The following ASB18 variants were observed in gnomAD, a reference collection of about 807,000 sequenced individuals.
The protein encoded by ASB18 is ankyrin repeat and SOCS box containing 18, also known as ankyrin repeat and SOCS box protein 18.
A neutral mutation model predicts 33.4 loss-of-function variants in ASB18; 33 were observed. The observed-to-expected ratio is 0.99, with a 90% confidence interval of 0.75 to 1.32. The LOEUF (loss-of-function observed/expected upper bound fraction) is 1.32. ASB18 is among the 40% of genes most tolerant of loss of function. The pLI is 0.00. For synonymous variants in ASB18, 295 were observed against 307.6 expected (o/e 0.96, Z 0.43); for missense variants, 694 against 655.5 (o/e 1.06, Z -0.64).
At position 236,195,363 on chromosome 2, in the gene ASB18, G is replaced by A. The variant is rs562109468; in HGVS notation, c.1216-306C>T. On this transcript the variant is annotated intron_variant, in intron 5 of 5. Coordinates refer to ENST00000409749, the MANE Select transcript of ASB18 (RefSeq NM_212556.4). The surrounding 1 kb of genome is among the most constrained non-coding windows in gnomAD (Gnocchi z 5.5). ...CTTTGCACAGCAGCCCTACAGCTCC[G>A]GGGTGGCCCTGTTCATCTCCCCAAG... Among the ~76,000 whole-genome samples the A allele has an allele frequency of 3.5e-4, 54 of 152,170 alleles. 1 individual carries two copies. The South Asian group carries it at 7.7e-3, about 22-fold the overall frequency.
rs1230103827 is a variant in ASB18 at position 236,255,133 on chromosome 2, T to G, written c.205+9008A>C. Among the ~76,000 whole-genome samples the G allele has an allele frequency of 7.2e-5, 11 of 152,062 alleles. No individual in the cohort carries two copies. The highest frequency in any genetic ancestry group is 7.2e-4 in the Admixed American group (11 of 15,274). On this transcript the variant is annotated intron_variant, in intron 1 of 5. Coordinates refer to ENST00000409749, the MANE Select transcript of ASB18 (RefSeq NM_212556.4). The surrounding 1 kb of genome is among the most constrained non-coding windows in gnomAD (Gnocchi z 4.4). ...CGTGAGCCAATTAAACCTCTGGTAT[T>G]TCTTTCTTTTTCTTTTTTTTCTTTC...
chr2:236,217,438 C>A lies in ASB18; in HGVS notation c.597-2572G>T, dbSNP rs1424432465. Among the ~76,000 whole-genome samples, 1 of 140,110 alleles carries A rather than the reference C, an allele frequency of 7.1e-6. No homozygotes were observed. 91.9% of individuals were successfully genotyped at this position (140,110 alleles called of 152,430 possible). ...AAAAAAAAAAAAAAATAAATCTTGG[C>A]ACCTTCAACTCCTTGGGTGTAGAAA... On this transcript the variant is annotated intron_variant, in intron 3 of 5. Coordinates refer to ENST00000409749, the MANE Select transcript of ASB18 (RefSeq NM_212556.4). The surrounding 1 kb of genome is among the most constrained non-coding windows in gnomAD (Gnocchi z 5.2).
chr2:236,249,326 G>A lies in ASB18; in HGVS notation c.206-7924C>T, dbSNP rs1408637201. ...CTTCTTTGATTTTTCTTGGTTGGTT[G>A]GTTTGTTTTCAAGCTAGCCCACTAA... On this transcript the variant is annotated intron_variant, in intron 1 of 5. Transcript: ENST00000409749. The surrounding 1 kb of genome is among the most constrained non-coding windows in gnomAD (Gnocchi z 4.6). 1.3e-5 allele frequency: 2 copies of A among 152,170 alleles called. No individual in the cohort carries two copies. The highest frequency in any genetic ancestry group is 2.9e-5 in the Non-Finnish European group (2 of 68,058). 9.4% of individuals were successfully genotyped at this position (152,170 alleles called of 1,614,324 possible).
At chr2:236,206,084 A>G (rs1423520679) in intron 4 of ASB18, among the ~76,000 whole-genome samples, 1 of 151,840 alleles carries the variant, frequency 6.6e-6, no homozygotes, top group Non-Finnish European at 1.5e-5. Context: ...GTCTTTGGTT[A>G]TTATTTCTGA....
chr2:236,257,356 A>T lies in ASB18; in HGVS notation c.205+6785T>A, dbSNP rs935998479. ...ACGCTCTCTGGTGGAGTGAGCAGTC[A>T]AGACAGCAGAGCGCTTCTCCTCCTG... On this transcript the variant is annotated intron_variant, in intron 1 of 5. Transcript: ENST00000409749. This position sits in a 1 kb window ranked among gnomAD's most constrained non-coding sequence, Gnocchi z 5.5. Among the ~76,000 whole-genome samples, 4 of 152,200 alleles carry T rather than the reference A, an allele frequency of 2.6e-5. No individual in the cohort carries two copies. The highest frequency in any genetic ancestry group is 5.9e-5 in the Non-Finnish European group (4 of 68,034).
In ASB18 at chr2:236,256,572, C is replaced by T. The variant is rs540879998; in HGVS notation, c.205+7569G>A. Among the ~76,000 whole-genome samples, 8 of 152,294 alleles carry T rather than the reference C, an allele frequency of 5.3e-5. No individual in the cohort carries two copies. The highest frequency in any genetic ancestry group is 2.1e-4 in the South Asian group (1 of 4,828). On this transcript the variant is annotated intron_variant, in intron 1 of 5. Coordinates refer to ENST00000409749, the MANE Select transcript of ASB18 (RefSeq NM_212556.4). This position sits in a 1 kb window ranked among gnomAD's most constrained non-coding sequence, Gnocchi z 4.7. ...TCTCAGAAAGGTAGAAAAGCCTCTCCGCTATTATTCTCATTGCTTTTTGTT... is the reference window on the plus strand; with the variant it reads ...TCTCAGAAAGGTAGAAAAGCCTCTCTGCTATTATTCTCATTGCTTTTTGTT...
rs1466049203 is a variant in ASB18 at position 236,229,999 on chromosome 2, A to G, written c.596+7690T>C. ...CTAGGAGTTTGAGACCACCCTGGGC[A>G]GCAAAACAAGACCTCAACTCTACAA... is the stretch of plus-strand genomic sequence containing the variant. On this transcript the variant is annotated intron_variant, in intron 3 of 5. Coordinates refer to ENST00000409749, the MANE Select transcript of ASB18 (RefSeq NM_212556.4). The surrounding 1 kb of genome is among the most constrained non-coding windows in gnomAD (Gnocchi z 5.2). Among the ~76,000 whole-genome samples, 2 of 152,166 alleles carry G rather than the reference A, an allele frequency of 1.3e-5. No individual in the cohort carries two copies. The highest frequency in any genetic ancestry group is 3.9e-4 in the East Asian group (2 of 5,186).
chr2:236,214,642 C>T lies in ASB18; in HGVS notation c.821G>A (p.Arg274His), dbSNP rs1368977223. The T allele has an allele frequency of 5.1e-6, 6 of 1,166,940 alleles. No homozygotes were observed. Among genetic ancestry groups the T allele is most frequent in the African/African-American group, 1.6e-5 (1 of 61,050 alleles). The allele number at this position is 1,166,940 out of a possible 1,614,324, so 72.3% of individuals were successfully genotyped here. A position where few individuals can be genotyped will look rare whatever the true frequency, so the allele number is the denominator to read the frequency against. The change falls in exon 4 of 6, where the codon CGC becomes CAC. Residue 274 changes from arginine (R) to histidine (H), a missense_variant. By Grantham distance (29) the Arg-to-His change is conservative. Coordinates refer to ENST00000409749, the MANE Select transcript of ASB18 (RefSeq NM_212556.4). The surrounding 1 kb of genome is among the most constrained non-coding windows in gnomAD (Gnocchi z 6.5). ...GCGCCGCAGCAGCAGCGCGCACAGG[C>T]GCAGGCAGCGCCCGTGCTCGTCGGG... is the stretch of plus-strand genomic sequence containing the variant. ...RRPDEHGRCL[R>H]LCALLLRRGA...
chr2:236,236,384 G>A (rs1559334716), intron 3 of ASB18, among the ~76,000 whole-genome samples: 1 of 152,154 alleles, frequency 6.6e-6, no homozygotes, highest in Non-Finnish European at 1.5e-5. Context: ...AGGGGCCAGT[G>A]GGAGGGAGAA....
At position 236,201,328 on chromosome 2, in the gene ASB18, T is replaced by A. The variant is rs117470515; in HGVS notation, c.1102-4943A>T. Among the ~76,000 whole-genome samples, 131 of 152,148 alleles carry A rather than the reference T, an allele frequency of 8.6e-4. 4 individuals carry two copies. The East Asian group carries it at 0.023, about 26-fold the overall frequency. The stretch of plus-strand genomic sequence containing the variant: ...CACTATGCCAGGCTAATTTAAAAAT[T>A]TTTTTTGTAGAGACAAGGTCTCACT... On this transcript the variant is annotated intron_variant, in intron 4 of 5. Transcript: ENST00000409749.
intron 3 of ASB18, among the ~76,000 whole-genome samples, chr2:236,232,984 A>C (rs2060573463): frequency 6.6e-6 from 1 of 152,096 alleles, no homozygotes; most frequent in Non-Finnish European, 1.5e-5. Flanking sequence ...CAAAGGTATT[A>C]CAAGAAAATG....
In ASB18 at chr2:236,234,075, A is replaced by C. The variant is rs893527808; in HGVS notation, c.596+3614T>G. Among the ~76,000 whole-genome samples, 3 of 152,224 alleles carry C rather than the reference A, an allele frequency of 2.0e-5. No individual in the cohort carries two copies. Among genetic ancestry groups the C allele is most frequent in the African/African-American group, 7.2e-5 (3 of 41,456 alleles). On this transcript the variant is annotated intron_variant, in intron 3 of 5. Coordinates refer to ENST00000409749, the MANE Select transcript of ASB18 (RefSeq NM_212556.4). This position sits in a 1 kb window ranked among gnomAD's most constrained non-coding sequence, Gnocchi z 4.1. ...AATAGAGCAATGAAACAGAATAGAG[A>C]TGAAGGGGGATGGCTCTGCCATGGC...
chr2:236,193,571 C>G lies in ASB18; in HGVS notation c.*1301G>C, dbSNP rs2060357163. On this transcript the variant is annotated 3_prime_UTR_variant, in exon 6 of 6. Transcript: ENST00000409749. This position sits in a 1 kb window ranked among gnomAD's most constrained non-coding sequence, Gnocchi z 5.0. Reference sequence around the variant, plus strand: ...CAGCACTTTGGGAGGCCGAGGCGGGCAGATCACCTGAGATCGGGAGTTTGA... The same window carrying G: ...CAGCACTTTGGGAGGCCGAGGCGGGGAGATCACCTGAGATCGGGAGTTTGA... Among the ~76,000 whole-genome samples the G allele has an allele frequency of 6.6e-6, 1 of 152,142 alleles. No homozygotes were observed. The highest frequency in any genetic ancestry group is 2.1e-4 in the South Asian group (1 of 4,814).
At position 236,241,315 on chromosome 2, in the gene ASB18, C is replaced by T. The variant is rs1243782037; in HGVS notation, c.293G>A (p.Trp98Ter). ...AAACGTGGCTGGAGATTTCACCTGCCATTCCATCTCATCCTTATTGATCTC... is the reference window on the plus strand; with the variant it reads ...AAACGTGGCTGGAGATTTCACCTGCTATTCCATCTCATCCTTATTGATCTC... ...VFEINKDEMEWQVKSPATFGL... is the reference protein window; with the variant it reads ...VFEINKDEME The change falls in exon 2 of 6, where the codon TGG (tryptophan) becomes TAG (stop). Residue 98 changes from tryptophan to a stop codon, truncating the protein, a stop_gained. Transcript: ENST00000409749. LOFTEE classifies it high-confidence loss of function. The surrounding 1 kb of genome is among the most constrained non-coding windows in gnomAD (Gnocchi z 4.2). 3 of 1,613,636 alleles carry T rather than the reference C, an allele frequency of 1.9e-6. No homozygotes were observed. Among genetic ancestry groups the T allele is most frequent in the Admixed American group, 3.3e-5 (2 of 60,004 alleles).
Position 236,264,194 on chromosome 2 carries a change from T to C in ASB18, c.152A>G (p.Asn51Ser). The change falls in exon 1 of 6, where the codon AAT (asparagine) becomes AGT (serine). Residue 51 changes from asparagine (N) to serine (S), a missense_variant. By Grantham distance (46) the Asn-to-Ser change is conservative. Transcript: ENST00000409749. This position sits in a 1 kb window ranked among gnomAD's most constrained non-coding sequence, Gnocchi z 5.1. ...CGAGGGGTCTTTCATCCAGTCGTCATTGGCCAGTTCTATCACAGCGTCCAC... is the reference window on the plus strand; with the variant it reads ...CGAGGGGTCTTTCATCCAGTCGTCACTGGCCAGTTCTATCACAGCGTCCAC... Reference protein sequence around the residue: ...TPVDAVIELANDDWMKDPSAQ... With the variant: ...TPVDAVIELASDDWMKDPSAQ... 3 of 1,613,980 alleles carry C rather than the reference T, an allele frequency of 1.9e-6. No homozygotes were observed. The highest frequency in any genetic ancestry group is 2.5e-6 in the Non-Finnish European group (3 of 1,179,894).
chr2:236,196,494 T>G lies in ASB18; in HGVS notation c.1102-109A>C. 1 of 662,116 alleles carries G rather than the reference T, an allele frequency of 1.5e-6. No homozygotes were observed. The highest frequency in any genetic ancestry group is 2.8e-6 in the Non-Finnish European group (1 of 360,958). 41.0% of individuals were successfully genotyped at this position (662,116 alleles called of 1,614,324 possible). A position where few individuals can be genotyped will look rare whatever the true frequency, so the allele number is the denominator to read the frequency against. ...GCTCTCCCTAGCTGTGTGACCTCCC[T>G]ACGCCCAAGCCACACAGGGAACAGC... On this transcript the variant is annotated intron_variant, in intron 4 of 5. Coordinates refer to ENST00000409749, the MANE Select transcript of ASB18 (RefSeq NM_212556.4). The surrounding 1 kb of genome is among the most constrained non-coding windows in gnomAD (Gnocchi z 5.6).
In ASB18 at chr2:236,248,828, A is replaced by G. The variant is rs1442088719; in HGVS notation, c.206-7426T>C. 4 of 152,210 alleles carry G rather than the reference A, an allele frequency of 2.6e-5. No homozygotes were observed. The highest frequency in any genetic ancestry group is 7.2e-5 in the African/African-American group (3 of 41,454). 9.4% of individuals were successfully genotyped at this position (152,210 alleles called of 1,614,324 possible). A position where few individuals can be genotyped will look rare whatever the true frequency, so the allele number is the denominator to read the frequency against. ...TGGAGCATGACACAGCCAAGATTCCAAAAGGTCTCCACAGGTCAGAGCAAC... is the reference window on the plus strand; with the variant it reads ...TGGAGCATGACACAGCCAAGATTCCGAAAGGTCTCCACAGGTCAGAGCAAC... On this transcript the variant is annotated intron_variant, in intron 1 of 5. Transcript: ENST00000409749. The surrounding 1 kb of genome is among the most constrained non-coding windows in gnomAD (Gnocchi z 4.9).
At position 236,194,480 on chromosome 2, in the gene ASB18, A is replaced by G. The variant is rs192259129; in HGVS notation, c.*392T>C. On this transcript the variant is annotated 3_prime_UTR_variant, in exon 6 of 6. Transcript: ENST00000409749. The surrounding 1 kb of genome is among the most constrained non-coding windows in gnomAD (Gnocchi z 4.5). ...TGCTGTAGGAACATCATTCTTGTTT[A>G]TATCAATTAACCTTGGGAAAACTGG... Among the ~76,000 whole-genome samples the G allele has an allele frequency of 6.6e-6, 1 of 152,282 alleles. No homozygotes were observed. Among genetic ancestry groups the G allele is most frequent in the East Asian group, 1.9e-4 (1 of 5,182 alleles).
rs1291211499 is a variant in ASB18, at chr2:236,234,302, G to A, written c.596+3387C>T. Among the ~76,000 whole-genome samples, 5 of 152,204 alleles carry A rather than the reference G, an allele frequency of 3.3e-5. No individual in the cohort carries two copies. Among genetic ancestry groups the A allele is most frequent in the Non-Finnish European group, 5.9e-5 (4 of 68,036 alleles). The stretch of plus-strand genomic sequence containing the variant: ...TTCTCAATGCCTTCTGGATCCTGAG[G>A]AGGCAGGGACCTTCCTGCTTCAGCC... On this transcript the variant is annotated intron_variant, in intron 3 of 5. Coordinates refer to ENST00000409749, the MANE Select transcript of ASB18 (RefSeq NM_212556.4). The surrounding 1 kb of genome is among the most constrained non-coding windows in gnomAD (Gnocchi z 4.1).
Sources: gnomAD v4.1 joint callset for allele counts (sites outside exome capture counted in the v4.1 genomes callset) on GRCh38, gnomAD v4.1.1 for gene constraint, Gnocchi (gnomAD v3.1) non-coding constraint, MANE v1.5 for transcripts, NCBI Gene and HGNC (gene_info 2026-07-23, HGNC 2026-07-21) for gene names.